Variants in CLNS1A observed in about 807,000 individuals in gnomAD.
The protein encoded by CLNS1A is chloride nucleotide-sensitive channel 1A.
CLNS1A carries 16 observed loss-of-function variants against 29.4 expected under a neutral mutation model. That is an observed-to-expected ratio of 0.54 (90% CI 0.37 to 0.83). The LOEUF (loss-of-function observed/expected upper bound fraction) is 0.83, where lower values mean the gene tolerates loss of function less well. CLNS1A is among the 40% of genes least tolerant of loss of function. CLNS1A has a pLI of 0.00. For missense variants in CLNS1A, 235 were observed against 287.4 expected, an observed-to-expected ratio of 0.82 and a Z score of 1.32; for synonymous variants, 96 against 104.8, an observed-to-expected ratio of 0.92 and a Z score of 0.51.
intron 1 of CLNS1A, among the ~76,000 whole-genome samples, chr11:77,630,709 A>G (rs1321480911): frequency 6.6e-6 from 1 of 152,208 alleles, no homozygotes; most frequent in African/African-American, 2.4e-5. Flanking sequence ...AGTAGAGGCT[A>G]GCTAATTTTC....
At chr11:77,635,351 TTTTC>T (rs1959113913) in intron 1 of CLNS1A, among the ~76,000 whole-genome samples, 1 of 145,816 alleles carries the variant, frequency 6.9e-6, no homozygotes, top group African/African-American at 2.5e-5. Flanking sequence ...GGTTTGAAAT[TTTTC>T]TTTTTTTTTT....
intron 1 of CLNS1A, among the ~76,000 whole-genome samples, chr11:77,636,135 A>G (rs1447677575): frequency 6.6e-6 from 1 of 152,126 alleles, no homozygotes; most frequent in Non-Finnish European, 1.5e-5. Flanking sequence ...CAGGGGCACA[A>G]TCACGGCTCA....
Position 77,619,595 on chromosome 11 carries a change from G to A in CLNS1A, c.*22+11C>T, listed in dbSNP as rs768477981. 5.1e-5 allele frequency: 76 copies of A among 1,487,936 alleles called. No homozygotes were observed. The East Asian group carries it at 1.7e-3, about 33-fold the overall frequency. 92.2% of individuals were successfully genotyped at this position (1,487,936 alleles called of 1,614,324 possible). ...CATGATCAGCGACAAGGGAGAAAAT[G>A]AACTACTCACCTTAAACTTGCATAA... is the stretch of plus-strand genomic sequence containing the variant. On this transcript the variant is annotated intron_variant, in intron 6 of 6. Transcript: ENST00000525428.
At chr11:77,620,928 G>A (rs964783980) in intron 5 of CLNS1A, among the ~76,000 whole-genome samples, 1 of 152,148 alleles carries the variant, frequency 6.6e-6, no homozygotes, top group Admixed American at 6.5e-5. Flanking sequence ...GTTGAAGTAA[G>A]CCAAGATCAT....
At chr11:77,624,496 A>G (rs1033919897) in intron 4 of CLNS1A, among the ~76,000 whole-genome samples, 9 of 152,076 alleles carry the variant, frequency 5.9e-5, no homozygotes, top group Non-Finnish European at 1.3e-4. Flanking sequence ...CTTTGGCATA[A>G]AGTGTTCTAC....
intron 4 of CLNS1A, among the ~76,000 whole-genome samples, chr11:77,623,644 T>TAAA (rs1331824364): frequency 6.6e-6 from 1 of 152,008 alleles, no homozygotes; most frequent in African/African-American, 2.4e-5. Context: ...ATGAAAAATT[T>TAAA]TAAATCACTC....
chr11:77,630,491 T>C (rs1307443832), intron 1 of CLNS1A, among the ~76,000 whole-genome samples: 1 of 152,186 alleles, frequency 6.6e-6, no homozygotes, highest in Non-Finnish European at 1.5e-5. Flanking sequence ...GACATATATA[T>C]GAAATGGCTG....
At chr11:77,634,808 T>C (rs1422974160) in intron 1 of CLNS1A, among the ~76,000 whole-genome samples, 1 of 152,086 alleles carries the variant, frequency 6.6e-6, no homozygotes. Context: ...GTTTAATTTT[T>C]TTCAGAGACA....
At chr11:77,633,068 C>T (rs528851901) in intron 1 of CLNS1A, among the ~76,000 whole-genome samples, 2 of 118,038 alleles carry the variant, frequency 1.7e-5, no homozygotes, top group East Asian at 2.6e-4. Context: ...GCCTGGGCAA[C>T]GGGGAGACTC....
rs1958982425 is a variant in CLNS1A at position 77,623,344 on chromosome 11, C to CT, written c.473-672dup. ...GTGGCTGACGTTTGTAATCCCAGCA[C>CT]TTTGAGAGGCCGAGCTGGGAGGACT... On this transcript the variant is annotated intron_variant, in intron 4 of 6. Coordinates refer to ENST00000525428, the MANE Select transcript of CLNS1A (RefSeq NM_001293.3). Among the ~76,000 whole-genome samples the CT allele has an allele frequency of 2.6e-5, 4 of 152,230 alleles. No individual in the cohort carries two copies. The South Asian group carries it at 8.3e-4, about 32-fold the overall frequency.
At chr11:77,627,158 G>A (rs1959028558) in intron 2 of CLNS1A, among the ~76,000 whole-genome samples, 1 of 151,842 alleles carries the variant, frequency 6.6e-6, no homozygotes, top group Non-Finnish European at 1.5e-5. Context: ...AAAGGGCCAA[G>A]CGAGGTGGCT....
intron 1 of CLNS1A, 46 bp downstream of exon 1, chr11:77,637,544 G>A (rs769565159): frequency 6.4e-7 from 1 of 1,564,094 alleles, no homozygotes; most frequent in Non-Finnish European, 8.7e-7. Flanking sequence ...CCAGCAAGGA[G>A]GAGGGCGGCG....
rs907568679 is a variant in CLNS1A, at chr11:77,619,196, A to G, written c.*22+410T>C. ...ATGGAGTAGCAAATAAATTGTCAGG[A>G]ACAATCTGAGGTTTAAAAGAAGAAA... On this transcript the variant is annotated intron_variant, in intron 6 of 6. Transcript: ENST00000525428. 1.8e-4 allele frequency among the ~76,000 whole-genome samples: 27 copies of G among 152,310 alleles called. No homozygotes were observed. The East Asian group carries it at 4.6e-3, about 26-fold the overall frequency.
At chr11:77,635,425 T>C (rs1285455028) in intron 1 of CLNS1A, among the ~76,000 whole-genome samples, 1 of 151,784 alleles carries the variant, frequency 6.6e-6, no homozygotes, top group Non-Finnish European at 1.5e-5. Context: ...GATCTCGGCT[T>C]ACTACAACCT....
intron 5 of CLNS1A, among the ~76,000 whole-genome samples, chr11:77,620,744 G>A (rs1382966944): frequency 6.6e-6 from 1 of 152,198 alleles, no homozygotes; most frequent in Non-Finnish European, 1.5e-5. Context: ...GGAAGGTGGA[G>A]GCCAAGGCAG....
chr11:77,624,657 T>C (rs931475925), intron 4 of CLNS1A, among the ~76,000 whole-genome samples: 5 of 151,830 alleles, frequency 3.3e-5, no homozygotes, highest in Non-Finnish European at 7.4e-5. Context: ...CCATCTCTAC[T>C]AAAAATACAA....
At chr11:77,628,623 T>C (rs998546983) in intron 2 of CLNS1A, among the ~76,000 whole-genome samples, 2 of 152,224 alleles carry the variant, frequency 1.3e-5, no homozygotes, top group East Asian at 1.9e-4. Flanking sequence ...AATTACTAAA[T>C]AGTTTCACAC....
intron 2 of CLNS1A, 38 bp downstream of exon 2, chr11:77,629,725 A>G (rs772262294): frequency 5.0e-6 from 8 of 1,596,038 alleles, no homozygotes; most frequent in Non-Finnish European, 6.9e-6. Flanking sequence ...ATAATTTGCT[A>G]TCAAAGGAGG....
At chr11:77,619,448 C>G in intron 6 of CLNS1A, 158 bp downstream of exon 6, 2 of 586,098 alleles carry the variant, frequency 3.4e-6, no homozygotes, top group Non-Finnish European at 6.1e-6. Flanking sequence ...AGGTGGATTG[C>G]TTGAGTTCAA....
Sources: gnomAD v4.1 joint callset for allele counts (sites outside exome capture counted in the v4.1 genomes callset) on GRCh38, gnomAD v4.1.1 for gene constraint, MANE v1.5 for transcripts, NCBI Gene and HGNC (gene_info 2026-07-23, HGNC 2026-07-21) for gene names.